The following STAG2 variants were observed in gnomAD, a reference collection of about 807,000 sequenced individuals.
STAG2 encodes the protein cohesin subunit SA-2.
A neutral mutation model predicts 108.1 loss-of-function variants in STAG2; 14 were observed. The observed-to-expected ratio is 0.13, with a 90% CI of 0.09 to 0.20. The LOEUF is 0.20. STAG2 is among the 10% of genes least tolerant of loss of function. The probability of loss-of-function intolerance (pLI) is 1.00; values close to 1 mark genes in which losing one functional copy is unlikely to be tolerated. For synonymous variants in STAG2, 307 were observed against 302.7 expected (o/e 1.01, Z -0.15); for missense variants, 440 against 940.9 (o/e 0.47, Z 6.96).
intron 27 of STAG2, 69 bp from the exon 28 acceptor site, chrX:124,081,311 G>A (rs916016747): frequency 2.7e-6 from 2 of 749,896 alleles, no homozygotes; most frequent in Admixed American, 3.7e-5. Context: ...AAATGAAAAT[G>A]TAATATTTTA....
intron 1 of STAG2, among the ~76,000 whole-genome samples, chrX:123,967,524 C>T (rs1034557824): frequency 9.0e-6 from 1 of 111,384 alleles, no homozygotes; most frequent in Non-Finnish European, 1.9e-5. Flanking sequence ...CCTCGGCCTT[C>T]CAAAGTTCTG....
At chrX:123,973,043 C>G (rs752286045) in intron 1 of STAG2, among the ~76,000 whole-genome samples, 1 of 105,240 alleles carries the variant, frequency 9.5e-6, no homozygotes, top group Non-Finnish European at 1.9e-5. Flanking sequence ...AGTGAGACCC[C>G]CACTCAAAAG....
At position 124,078,036 on chromosome X, in the gene STAG2, C is replaced by T; in HGVS notation, c.2753C>T (p.Thr918Ile). 8.4e-7 allele frequency: 1 copy of T among 1,191,755 alleles called. No homozygotes were observed. The highest frequency in any genetic ancestry group is 1.1e-6 in the Non-Finnish European group (1 of 886,044). The change falls in exon 27 of 35, where the codon ACC becomes ATC. Residue 918 changes from threonine (T) to isoleucine (I), a missense_variant. Physicochemically the swap from Thr to Ile is moderately conservative, Grantham distance 89. Transcript: ENST00000371145. ...ATAGACAAAATTCAGTGTGCTAAGA[C>T]CCTTATTCTCAGTCTGCAACAGGTA... ...RQIDKIQCAKTLILSLQQLFN... is the reference protein window; with the variant it reads ...RQIDKIQCAKILILSLQQLFN...
chrX:123,988,271 A>T (rs912285933), intron 1 of STAG2, among the ~76,000 whole-genome samples: 1 of 111,886 alleles, frequency 8.9e-6, no homozygotes, highest in Non-Finnish European at 1.9e-5. Context: ...ATTTTTTATT[A>T]GTAAACTTTT....
chrX:124,065,102 A>G (rs1439075309), intron 20 of STAG2, among the ~76,000 whole-genome samples: 2 of 111,637 alleles, frequency 1.8e-5, no homozygotes, highest in African/African-American at 6.5e-5. Flanking sequence ...AAGTTTTACT[A>G]ATTGGAGGTT....
chrX:124,009,114 TTAAA>T (rs1373229095), intron 1 of STAG2, among the ~76,000 whole-genome samples: 1 of 111,766 alleles, frequency 8.9e-6, no homozygotes, highest in East Asian at 2.8e-4. Flanking sequence ...GCTCTTAATA[TTAAA>T]TATATGTTGA....
chrX:124,082,867 C>T (rs1251535416), intron 28 of STAG2, among the ~76,000 whole-genome samples: 3 of 110,302 alleles, frequency 2.7e-5, no homozygotes, highest in Non-Finnish European at 5.7e-5. Flanking sequence ...TTGATTCCAT[C>T]TGGATTGTTT....
intron 1 of STAG2, among the ~76,000 whole-genome samples, chrX:124,009,439 G>GATAGATAGA (rs1569501995): frequency 0.015 from 943 of 62,388 alleles, 9 homozygotes; most frequent in Non-Finnish European, 0.02. Flanking sequence ...AGGTAGGTAG[G>GATAGATAGA]TAGGTAGATA....
intron 23 of STAG2, among the ~76,000 whole-genome samples, chrX:124,067,245 G>A (rs1196228138): frequency 9.1e-6 from 1 of 109,515 alleles, no homozygotes; most frequent in Non-Finnish European, 1.9e-5. Context: ...ATATAGTATT[G>A]TTAACATTGT....
intron 6 of STAG2, among the ~76,000 whole-genome samples, chrX:124,042,162 T>C (rs1169463899): frequency 9.0e-6 from 1 of 111,404 alleles, no homozygotes; most frequent in Admixed American, 9.7e-5. Flanking sequence ...ACTCTAGCTA[T>C]TACTCTTTTC....
chrX:123,984,273 C>T (rs747558978), intron 1 of STAG2, among the ~76,000 whole-genome samples: 151 of 110,623 alleles, frequency 1.4e-3, no homozygotes, highest in Non-Finnish European at 2.4e-3. Context: ...GCATCATGCC[C>T]GGCCAAAAGA....
At chrX:124,007,000 C>T (rs1328152943) in intron 1 of STAG2, among the ~76,000 whole-genome samples, 1 of 110,221 alleles carries the variant, frequency 9.1e-6, no homozygotes, top group Non-Finnish European at 1.9e-5. Flanking sequence ...ATTTTCTTTC[C>T]TTCTTTTTTT....
intron 34 of STAG2, among the ~76,000 whole-genome samples, chrX:124,096,341 A>G (rs951661008): frequency 9.0e-6 from 1 of 110,902 alleles, no homozygotes; most frequent in Non-Finnish European, 1.9e-5. Context: ...CAGATACACT[A>G]TGCTCTTTCC....
chrX:124,102,228 C>G lies in STAG2; in HGVS notation c.*1631C>G, dbSNP rs2059517558. 1 of 158,079 alleles carries G rather than the reference C, an allele frequency of 6.3e-6. No individual in the cohort carries two copies. Among genetic ancestry groups the G allele is most frequent in the African/African-American group, 3.0e-5 (1 of 33,128 alleles). The allele number at this position is 158,079 out of a possible 1,213,427, so 13.0% of individuals were successfully genotyped here. On this transcript the variant is annotated 3_prime_UTR_variant, in exon 35 of 35. Transcript: ENST00000371145. The stretch of plus-strand genomic sequence containing the variant: ...ATATTGTTATGTGCAAAAGTATTGC[C>G]TATGTTGTTTTACACACCACTGCAT...
At chrX:124,048,364 C>T (rs1332602286) in intron 9 of STAG2, among the ~76,000 whole-genome samples, 1 of 111,944 alleles carries the variant, frequency 8.9e-6, no homozygotes, top group Non-Finnish European at 1.9e-5. Flanking sequence ...AGTGTTGATA[C>T]TTTTTCCCTT....
chrX:123,974,577 C>CTT (rs778065126), intron 1 of STAG2, among the ~76,000 whole-genome samples: 7 of 85,226 alleles, frequency 8.2e-5, no homozygotes, highest in African/African-American at 2.2e-4. Flanking sequence ...TTGATACCTT[C>CTT]TTTTTTTTTT....
chrX:124,006,477 T>G (rs776961839), intron 1 of STAG2, among the ~76,000 whole-genome samples: 2 of 103,054 alleles, frequency 1.9e-5, no homozygotes, highest in Non-Finnish European at 4.0e-5. Flanking sequence ...CTCGCTCTGT[T>G]GCCCAGGCTG....
At chrX:123,960,955 G>GA (rs1284130511), upstream of STAG2, 5 of 112,262 alleles carry the variant, frequency 4.5e-5, no homozygotes, top group East Asian at 1.1e-3. Context: ...GTGTATGATT[G>GA]AAACAGGGCG....
At chrX:123,975,928 A>G (rs2054594918) in intron 1 of STAG2, among the ~76,000 whole-genome samples, 1 of 112,556 alleles carries the variant, frequency 8.9e-6, no homozygotes, top group Non-Finnish European at 1.9e-5. Flanking sequence ...AAGTTCCTAT[A>G]GTAGGACATT....
Sources: gnomAD v4.1 joint callset for allele counts (sites outside exome capture counted in the v4.1 genomes callset) on GRCh38, gnomAD v4.1.1 for gene constraint, MANE v1.5 for transcripts, NCBI Gene and HGNC (gene_info 2026-07-23, HGNC 2026-07-21) for gene names.